The following MAP3K15 variants were observed in gnomAD, a reference collection of about 807,000 sequenced individuals.
MAP3K15 encodes mitogen-activated protein kinase kinase kinase 15, also known as MAPK/ERK kinase kinase 15.
MAP3K15 carries 124 observed loss-of-function variants against 99.5 expected under a neutral mutation model. The ratio of observed to expected loss-of-function variants is 1.25; its 90% CI spans 1.08 to 1.45. MAP3K15 has a LOEUF of 1.45. MAP3K15 is among the 40% of genes most tolerant of loss of function. MAP3K15 has a pLI of 0.00. For missense variants in MAP3K15, 1,242 were observed against 1,079.7 expected (o/e 1.15, Z -2.11); for synonymous variants, 494 against 439.6 (o/e 1.12, Z -1.55).
intron 4 of MAP3K15, among the ~76,000 whole-genome samples, chrX:19,461,241 A>C (rs1443788944): frequency 8.9e-6 from 1 of 112,097 alleles, no homozygotes; most frequent in African/African-American, 3.2e-5. Flanking sequence ...GGCCTCCCAA[A>C]GTGCTGGGAT....
At chrX:19,469,728 C>A (rs1470718001) in intron 3 of MAP3K15, among the ~76,000 whole-genome samples, 28 of 110,707 alleles carry the variant, frequency 2.5e-4, no homozygotes, top group Admixed American at 2.3e-3. Context: ...ACCCCATCAA[C>A]AAGTGGGCGA....
At position 19,450,619 on chromosome X, in the gene MAP3K15, A is replaced by T. The variant is rs184047736; in HGVS notation, c.995+6294T>A. On this transcript the variant is annotated intron_variant, in intron 6 of 28. Coordinates refer to ENST00000338883, the MANE Select transcript of MAP3K15 (RefSeq NM_001001671.4). The stretch of plus-strand genomic sequence containing the variant: ...GTTGGACTTGAAAACGTGATTTTTT[A>T]AAAAATCACCTGTTAACTTCAGTCA... Among the ~76,000 whole-genome samples the T allele has an allele frequency of 1.0e-3, 114 of 109,076 alleles. 1 individual carries two copies. The highest frequency in any genetic ancestry group is 3.6e-3 in the African/African-American group (111 of 30,579). The allele number at this position is 109,076 out of a possible 115,157, so 94.7% of individuals were successfully genotyped here. A position where few individuals can be genotyped will look rare whatever the true frequency, so the allele number is the denominator to read the frequency against.
rs140645613 is a variant in MAP3K15, at chrX:19,380,611, C to T, written c.2432-334G>A. 6.9e-3 allele frequency among the ~76,000 whole-genome samples: 772 copies of T among 111,415 alleles called. 11 individuals carry two copies. Among genetic ancestry groups the T allele is most frequent in the African/African-American group, 0.024 (735 of 30,680 alleles). On this transcript the variant is annotated intron_variant, in intron 18 of 28. Transcript: ENST00000338883. ...CGTGATCTCGGCTCACCGCGAACTCCGCCTCCCGGGTTCAAGCGATTCTCA... is the reference window on the plus strand; with the variant it reads ...CGTGATCTCGGCTCACCGCGAACTCTGCCTCCCGGGTTCAAGCGATTCTCA...
At chrX:19,463,324 C>T (rs567131731) in intron 4 of MAP3K15, among the ~76,000 whole-genome samples, 2 of 111,761 alleles carry the variant, frequency 1.8e-5, no homozygotes, top group African/African-American at 6.5e-5. Context: ...ACCAACACTA[C>T]AATAGAACAC....
At chrX:19,426,465 C>T in intron 7 of MAP3K15, 122 bp from the exon 8 acceptor site, 1 of 368,864 alleles carries the variant, frequency 2.7e-6, no homozygotes, top group Non-Finnish European at 4.5e-6. Context: ...CCATTCCCCT[C>T]GCCTCCCACC....
chrX:19,406,503 A>T (rs1348007172), intron 13 of MAP3K15, among the ~76,000 whole-genome samples: 2 of 112,339 alleles, frequency 1.8e-5, no homozygotes, highest in East Asian at 5.6e-4. Context: ...CACTTATATG[A>T]AATGGCCAGA....
At chrX:19,455,178 A>G (rs1435728400) in intron 6 of MAP3K15, among the ~76,000 whole-genome samples, 1 of 110,583 alleles carries the variant, frequency 9.0e-6, no homozygotes, top group Non-Finnish European at 1.9e-5. Context: ...GTCTAACAGG[A>G]GATAATCAGA....
rs182018299 is a variant in MAP3K15, at chrX:19,510,421, A to G, written c.361+4480T>C. Among the ~76,000 whole-genome samples, 6 of 112,335 alleles carry G rather than the reference A, an allele frequency of 5.3e-5. No individual in the cohort carries two copies. In the East Asian group the frequency reaches 1.4e-3, roughly 26 times the overall value. ...CAAATCAACAAACATAATCGATCAC[A>G]TAAACAGAACCAATGACAAAAACCA... On this transcript the variant is annotated intron_variant, in intron 1 of 28. Transcript: ENST00000338883.
At chrX:19,399,901 T>C (rs1293811869) in intron 14 of MAP3K15, among the ~76,000 whole-genome samples, 1 of 111,569 alleles carries the variant, frequency 9.0e-6, no homozygotes, top group Non-Finnish European at 1.9e-5. Context: ...AGTTCATTTC[T>C]ACAACAAACT....
intron 3 of MAP3K15, among the ~76,000 whole-genome samples, chrX:19,482,521 C>T (rs777375151): frequency 4.5e-5 from 5 of 111,886 alleles, no homozygotes; most frequent in African/African-American, 1.6e-4. Flanking sequence ...TTGTATGGTT[C>T]CTTTCACATG....
chrX:19,395,290 C>A (rs1488475019), intron 15 of MAP3K15, 82 bp from the exon 16 acceptor site: 2 of 946,981 alleles, frequency 2.1e-6, no homozygotes, highest in Non-Finnish European at 2.9e-6. Flanking sequence ...GGACCTGCCC[C>A]ACTGCTGCCC....
chrX:19,443,984 G>A (rs966302802), intron 6 of MAP3K15, among the ~76,000 whole-genome samples: 13 of 110,685 alleles, frequency 1.2e-4, no homozygotes, highest in Admixed American at 1.9e-4. Flanking sequence ...CCACTTACCG[G>A]GCCATCCTCA....
At chrX:19,506,108 A>AT (rs2064475034) in intron 1 of MAP3K15, among the ~76,000 whole-genome samples, 1 of 111,138 alleles carries the variant, frequency 9.0e-6, no homozygotes. Context: ...AATTTTTTAT[A>AT]TTTTTAGTAG....
At chrX:19,396,911 T>G (rs2063571436) in intron 15 of MAP3K15, among the ~76,000 whole-genome samples, 1 of 109,442 alleles carries the variant, frequency 9.1e-6, no homozygotes, top group African/African-American at 3.3e-5. Flanking sequence ...CTTTTTTTTT[T>G]TTTTTTGAGA....
intron 10 of MAP3K15, chrX:19,414,439 T>C (rs1485347219): frequency 5.0e-6 from 1 of 199,563 alleles, no homozygotes; most frequent in African/African-American, 3.1e-5. Flanking sequence ...GGAAATGGCA[T>C]GTTCACAAAT....
chrX:19,376,335 C>T (rs2063417060), intron 19 of MAP3K15, among the ~76,000 whole-genome samples: 4 of 110,729 alleles, frequency 3.6e-5, no homozygotes, highest in Admixed American at 2.9e-4. Context: ...TGCGGGCGGT[C>T]TCTGGCGCTC....
rs769125804 is a variant in MAP3K15, at chrX:19,464,417, G to A, written c.526-11C>T. The A allele has an allele frequency of 7.6e-5, 88 of 1,162,567 alleles. No homozygotes were observed. Among genetic ancestry groups the A allele is most frequent in the Non-Finnish European group, 1.0e-4 (88 of 868,949 alleles). On this transcript the variant is annotated splice_polypyrimidine_tract_variant and intron_variant, in intron 3 of 28. Coordinates refer to ENST00000338883, the MANE Select transcript of MAP3K15 (RefSeq NM_001001671.4). Reference sequence around the variant, plus strand: ...ATTTCCACTGGATGCCTGGAAAAAAGAAACAAAGATGTTCCAGAAAGTAAC... The same window carrying A: ...ATTTCCACTGGATGCCTGGAAAAAAAAAACAAAGATGTTCCAGAAAGTAAC...
At chrX:19,421,141 C>G (rs1265988724) in intron 9 of MAP3K15, among the ~76,000 whole-genome samples, 2 of 110,658 alleles carry the variant, frequency 1.8e-5, no homozygotes, top group Non-Finnish European at 3.8e-5. Flanking sequence ...GATGCCCTCT[C>G]TCACCGCTCC....
intron 1 of MAP3K15, among the ~76,000 whole-genome samples, chrX:19,500,848 A>G (rs1342902777): frequency 8.9e-6 from 1 of 112,121 alleles, no homozygotes; most frequent in East Asian, 2.8e-4. Flanking sequence ...CTGAAAATAC[A>G]TTTTGTCCTA....
Sources: gnomAD v4.1 joint callset for allele counts (sites outside exome capture counted in the v4.1 genomes callset) on GRCh38, gnomAD v4.1.1 for gene constraint, MANE v1.5 for transcripts, NCBI Gene and HGNC (gene_info 2026-07-23, HGNC 2026-07-21) for gene names.